The following LRP11 variants were observed in gnomAD, a reference collection of about 807,000 sequenced individuals.
LRP11 encodes LDL receptor related protein 11.
Under a neutral mutation model 43.1 loss-of-function variants are expected in LRP11, and 25 were observed. That is an observed-to-expected ratio of 0.58 (90% CI 0.42 to 0.81). The LOEUF is 0.81. LRP11 is among the 30% of genes least tolerant of loss of function. LRP11 has a pLI of 0.00. For missense variants in LRP11, 623 were observed against 665.1 expected, an observed-to-expected ratio of 0.94 and a Z score of 0.70; for synonymous variants, 316 against 299.4, an observed-to-expected ratio of 1.06 and a Z score of -0.57.
chr6:149,863,014 G>A (rs1776947723), intron 1 of LRP11, among the ~76,000 whole-genome samples: 1 of 152,194 alleles, frequency 6.6e-6, no homozygotes, highest in African/African-American at 2.4e-5. Flanking sequence ...TCAAGAAAAA[G>A]GAGTGGGTGT....
At chr6:149,828,759 G>T (rs142249946) in intron 5 of LRP11, among the ~76,000 whole-genome samples, 101 of 152,146 alleles carry the variant, frequency 6.6e-4, no homozygotes, top group African/African-American at 2.4e-3. Flanking sequence ...CAAAGTGCTG[G>T]AATTGCAGGT....
intron 6 of LRP11, 23 bp downstream of exon 6, chr6:149,826,240 AG>A (rs1776337366): frequency 6.4e-7 from 1 of 1,562,578 alleles, no homozygotes; most frequent in Non-Finnish European, 8.8e-7. Context: ...CAGTCTGCAA[AG>A]GGTTTCCAAG....
At chr6:149,828,535 C>A (rs963670339) in intron 5 of LRP11, among the ~76,000 whole-genome samples, 1 of 151,052 alleles carries the variant, frequency 6.6e-6, no homozygotes, top group African/African-American at 2.4e-5. Flanking sequence ...GTTGCCCAGG[C>A]TAGAGTGCAG....
rs950204596 is a variant in LRP11, at chr6:149,827,048, C to T, written c.1253-689G>A. Among the ~76,000 whole-genome samples the T allele has an allele frequency of 1.3e-5, 2 of 151,148 alleles. No homozygotes were observed. Among genetic ancestry groups the T allele is most frequent in the East Asian group, 1.9e-4 (1 of 5,140 alleles). ...GTGGCACGATCTTGGCTCACTGCAA[C>T]GTCCACCTCCTGGGTTCAAGCAATT... On this transcript the variant is annotated intron_variant, in intron 5 of 6. Coordinates refer to ENST00000239367, the MANE Select transcript of LRP11 (RefSeq NM_032832.6). The surrounding 1 kb of genome is among the most constrained non-coding windows in gnomAD (Gnocchi z 4.2).
intron 5 of LRP11, among the ~76,000 whole-genome samples, chr6:149,826,902 C>T (rs2115374005): frequency 6.6e-6 from 1 of 151,820 alleles, no homozygotes; most frequent in African/African-American, 2.4e-5. Flanking sequence ...GAGACCAGTA[C>T]TTCTAATTTA....
intron 5 of LRP11, among the ~76,000 whole-genome samples, chr6:149,831,252 T>C (rs1159465915): frequency 6.6e-6 from 1 of 152,238 alleles, no homozygotes; most frequent in African/African-American, 2.4e-5. Context: ...CCATAGAGCA[T>C]GCAGGCATGA....
At chr6:149,837,116 A>G (rs1562439625) in intron 4 of LRP11, among the ~76,000 whole-genome samples, 1 of 152,320 alleles carries the variant, frequency 6.6e-6, no homozygotes, top group East Asian at 1.9e-4. Flanking sequence ...AACCTGGAAA[A>G]TTGAAAAAAA....
rs148488921 is a variant in LRP11, at chr6:149,853,084, G to A, written c.690C>T (p.Asp230=). 40 of 1,612,350 alleles carry A rather than the reference G, an allele frequency of 2.5e-5. No individual in the cohort carries two copies. The highest frequency in any genetic ancestry group is 6.6e-5 in the South Asian group (6 of 90,866). Residue 230 remains aspartate (D), a synonymous_variant, in exon 2 of 7, where the codon GAC becomes GAT. Transcript: ENST00000239367. The part of the protein sequence containing the change: ...LHLPTDGVVL[D]GRESTDDHAI... ...CGTGGTCATCTGTGCTCTCGCGGCC[G>A]TCTAGAACCACCCCGTCTGTGGGCA...
chr6:149,826,274 G>T lies in LRP11; in HGVS notation c.1338C>A (p.Ala446=), dbSNP rs1382353990. The T allele has an allele frequency of 6.2e-7, 1 of 1,612,488 alleles. No individual in the cohort carries two copies. The change falls in exon 6 of 7, where the codon GCC becomes GCA. Residue 446 remains alanine (A), a synonymous_variant. Coordinates refer to ENST00000239367, the MANE Select transcript of LRP11 (RefSeq NM_032832.6). Reference sequence around the variant, plus strand: ...AAGGTGGACATTTACCTGTTTCTGGGGCTGGGTGTTCCCCTCCTCCTCCAT... The same window carrying T: ...AAGGTGGACATTTACCTGTTTCTGGTGCTGGGTGTTCCCCTCCTCCTCCAT... ...KGDGGGGEHP[A]PETGAVLPLA...
chr6:149,852,812 G>C (rs1294561430), intron 2 of LRP11, among the ~76,000 whole-genome samples, 191 bp downstream of exon 2: 2 of 139,490 alleles, frequency 1.4e-5, no homozygotes. Flanking sequence ...AAATGATCGA[G>C]ATTGCTGCTC....
intron 1 of LRP11, 70 bp from the exon 2 acceptor site, chr6:149,853,230 GT>G (rs1776749892): frequency 1.5e-6 from 2 of 1,290,990 alleles, no homozygotes; most frequent in Non-Finnish European, 2.1e-6. Flanking sequence ...GAGGTATCTT[GT>G]TTGCTGAATA....
Position 149,853,168 on chromosome 6 carries a change from A to G in LRP11, c.614-8T>C. The G allele has an allele frequency of 6.4e-7, 1 of 1,553,396 alleles. No homozygotes were observed. Among genetic ancestry groups the G allele is most frequent in the South Asian group, 1.2e-5 (1 of 82,436 alleles). ...GTGGAGGCGCATCCTTTTCTGAGAA[A>G]GAAAATAAATAATTCATAAAAGATG... is the stretch of plus-strand genomic sequence containing the variant. On this transcript the variant is annotated splice_polypyrimidine_tract_variant and splice_region_variant and intron_variant, in intron 1 of 6. Transcript: ENST00000239367.
At chr6:149,848,575 T>C (rs2115402913) in intron 2 of LRP11, among the ~76,000 whole-genome samples, 1 of 152,314 alleles carries the variant, frequency 6.6e-6, no homozygotes, top group South Asian at 2.1e-4. Context: ...TCATGTCCTT[T>C]GTAGGAACAT....
intron 1 of LRP11, among the ~76,000 whole-genome samples, chr6:149,856,970 T>C (rs1776809213): frequency 6.6e-6 from 1 of 152,014 alleles, no homozygotes; most frequent in Non-Finnish European, 1.5e-5. Flanking sequence ...GGAAAAAAAA[T>C]TATCCGCAAC....
intron 1 of LRP11, among the ~76,000 whole-genome samples, chr6:149,862,336 C>T (rs1001228877): frequency 5.3e-5 from 8 of 152,172 alleles, no homozygotes; most frequent in African/African-American, 1.9e-4. Context: ...TGATATCATT[C>T]GTGCTATTAT....
rs116720136 is a variant in LRP11 at position 149,846,359 on chromosome 6, G to C, written c.772-3235C>G. The stretch of plus-strand genomic sequence containing the variant: ...AAGGGAGCATGGCTGCAAATGACAG[G>C]CATGCTGGAGTATGTCTAGGTGAGA... On this transcript the variant is annotated intron_variant, in intron 2 of 6. Transcript: ENST00000239367. 4.5e-3 allele frequency among the ~76,000 whole-genome samples: 681 copies of C among 152,280 alleles called. 5 individuals carry two copies. Among genetic ancestry groups the C allele is most frequent in the African/African-American group, 0.015 (638 of 41,546 alleles).
intron 6 of LRP11, among the ~76,000 whole-genome samples, chr6:149,823,476 G>C (rs1349154790): frequency 2.0e-5 from 3 of 152,142 alleles, no homozygotes; most frequent in African/African-American, 7.2e-5. Context: ...TTTAGTACTG[G>C]AGGGGAGGAA....
chr6:149,847,728 A>T (rs982884665), intron 2 of LRP11, among the ~76,000 whole-genome samples: 5 of 151,902 alleles, frequency 3.3e-5, no homozygotes, highest in African/African-American at 1.2e-4. Context: ...TCAATGAATG[A>T]CTCAGCCTGT....
chr6:149,849,389 G>C (rs1463360886), intron 2 of LRP11, among the ~76,000 whole-genome samples: 2 of 152,080 alleles, frequency 1.3e-5, no homozygotes, highest in Non-Finnish European at 2.9e-5. Context: ...CCTGTTCAAG[G>C]GCATAAAATA....
Sources: gnomAD v4.1 joint callset for allele counts (sites outside exome capture counted in the v4.1 genomes callset) on GRCh38, gnomAD v4.1.1 for gene constraint, Gnocchi (gnomAD v3.1) non-coding constraint, MANE v1.5 for transcripts, NCBI Gene and HGNC (gene_info 2026-07-23, HGNC 2026-07-21) for gene names.